The following TSN variants were observed in gnomAD, a reference collection of about 807,000 sequenced individuals.
TSN encodes translin.
TSN carries 5 observed loss-of-function variants against 29.4 expected under a neutral mutation model. That is an observed-to-expected ratio of 0.17 (90% CI 0.09 to 0.36). The LOEUF is 0.36. TSN is among the 10% of genes least tolerant of loss of function. The probability of loss-of-function intolerance (pLI) is 1.00; values close to 1 mark genes in which losing one functional copy is unlikely to be tolerated. For synonymous variants in TSN, 106 were observed against 102.2 expected, an observed-to-expected ratio of 1.04 and a Z score of -0.23; for missense variants, 159 against 272.8, an observed-to-expected ratio of 0.58 and a Z score of 2.94.
Position 121,761,441 on chromosome 2 carries a change from G to A in TSN, c.290G>A (p.Arg97His). ...GAGCACTGGAGGTTTGTGTTGCAGC[G>A]CTTGGTCTTCTTGGCAGCATTTGTT... is the stretch of plus-strand genomic sequence containing the variant. ...FHEHWRFVLQ[R>H]LVFLAAFVVY... Residue 97 changes from arginine to histidine, a missense_variant, in exon 4 of 6, where the codon CGC (arginine) becomes CAC (histidine). Arg to His is a conservative substitution (Grantham distance 29). Around this residue, in one of 3 missense-constraint regions of TSN, gnomAD observed 85 missense variants for 178.1 expected, o/e 0.48. Coordinates refer to ENST00000389682, the MANE Select transcript of TSN (RefSeq NM_004622.3). 1.2e-6 allele frequency: 2 copies of A among 1,614,060 alleles called. No homozygotes were observed. Among genetic ancestry groups the A allele is most frequent in the Non-Finnish European group, 1.7e-6 (2 of 1,180,002 alleles).
intron 2 of TSN, among the ~76,000 whole-genome samples, chr2:121,758,461 ACAAC>A (rs2074778708): frequency 6.6e-6 from 1 of 152,196 alleles, no homozygotes. Context: ...GTTATTTATG[ACAAC>A]CAAACCAATT....
intron 2 of TSN, 121 bp downstream of exon 2, chr2:121,757,454 G>T: frequency 1.3e-6 from 2 of 1,544,366 alleles, no homozygotes. Flanking sequence ...AATTGAAGAA[G>T]TAGGTGATTT....
rs1287370528 is a variant in TSN, at chr2:121,757,287, T to G, written c.114T>G (p.Ile38Met). 2.5e-6 allele frequency: 4 copies of G among 1,614,182 alleles called. No individual in the cohort carries two copies. The highest frequency in any genetic ancestry group is 3.4e-6 in the Non-Finnish European group (4 of 1,180,016). ...VQSLEQTARE[I>M]LTLLQGVHQG... ...GTTTAGAACAAACAGCTCGAGAGAT[T>G]TTAACTCTACTGCAAGGGGTCCATC... is the stretch of plus-strand genomic sequence containing the variant. Residue 38 changes from isoleucine to methionine, a missense_variant, in exon 2 of 6, where the codon ATT (isoleucine) becomes ATG (methionine). Transcript: ENST00000389682.
At chr2:121,756,579 T>A (rs2074751533) in intron 1 of TSN, 1 of 1,256,912 alleles carries the variant, frequency 8.0e-7, no homozygotes, top group Admixed American at 2.4e-5. Context: ...ACACAGTGCC[T>A]CGCACATAAG....
At chr2:121,756,707 C>G in intron 1 of TSN, 1 of 1,012,708 alleles carries the variant, frequency 9.9e-7, no homozygotes, top group Non-Finnish European at 1.3e-6. Flanking sequence ...GAGTTTGAGA[C>G]CAGCCTGGCC....
intron 1 of TSN, chr2:121,756,507 C>T (rs757933133): frequency 9.1e-5 from 42 of 460,592 alleles, no homozygotes; most frequent in Non-Finnish European, 1.5e-4. Context: ...AAAAAATCTT[C>T]TCCCTCATTG....
chr2:121,756,542 G>A, intron 1 of TSN: 1 of 845,846 alleles, frequency 1.2e-6, no homozygotes, highest in Non-Finnish European at 1.7e-6. Flanking sequence ...AGAGGGAAGG[G>A]ATTGTGTGCT....
chr2:121,759,064 A>T (rs1486299228), intron 3 of TSN, among the ~76,000 whole-genome samples: 3 of 152,220 alleles, frequency 2.0e-5, no homozygotes, highest in Non-Finnish European at 4.4e-5. Flanking sequence ...TGAGGGTCAA[A>T]AGTGAGAATA....
chr2:121,758,139 G>A (rs2074775121), intron 2 of TSN, among the ~76,000 whole-genome samples: 1 of 152,134 alleles, frequency 6.6e-6, no homozygotes, highest in Non-Finnish European at 1.5e-5. Flanking sequence ...TCAAATTAAT[G>A]TGTTTATAAT....
intron 1 of TSN, among the ~76,000 whole-genome samples, chr2:121,756,875 C>T (rs1428879983): frequency 2.0e-5 from 3 of 150,640 alleles, no homozygotes; most frequent in Non-Finnish European, 4.4e-5. Context: ...CGCCACTGCA[C>T]TCCAGCCTGG....
At chr2:121,759,624 T>C (rs1413925403) in intron 3 of TSN, among the ~76,000 whole-genome samples, 1 of 151,918 alleles carries the variant, frequency 6.6e-6, no homozygotes, top group Non-Finnish European at 1.5e-5. Flanking sequence ...AAAAACAACT[T>C]GTGAAACATG....
intron 3 of TSN, among the ~76,000 whole-genome samples, chr2:121,759,799 C>T (rs1029376369): frequency 1.3e-5 from 2 of 152,072 alleles, no homozygotes; most frequent in African/African-American, 4.8e-5. Flanking sequence ...GGTAGTATAA[C>T]CTTATGAGAA....
chr2:121,755,859 C>A lies in TSN; in HGVS notation c.66+14C>A. 6.2e-7 allele frequency: 1 copy of A among 1,614,014 alleles called. No individual in the cohort carries two copies. Among genetic ancestry groups the A allele is most frequent in the Non-Finnish European group, 8.5e-7 (1 of 1,180,006 alleles). On this transcript the variant is annotated intron_variant, in intron 1 of 5. Transcript: ENST00000389682. The stretch of plus-strand genomic sequence containing the variant: ...GACATCCGAGAGGCGAGCCCCCTCC[C>A]TTCCCCATTCCCTTTGCCTTTCCAT...
At chr2:121,762,630 CTTG>C (rs1363194706) in intron 4 of TSN, among the ~76,000 whole-genome samples, 1 of 152,176 alleles carries the variant, frequency 6.6e-6, no homozygotes, top group African/African-American at 2.4e-5. Flanking sequence ...AGATTTACCA[CTTG>C]TTAACATTTT....
chr2:121,760,835 CTT>C (rs1231153615), intron 3 of TSN, among the ~76,000 whole-genome samples: 4 of 147,344 alleles, frequency 2.7e-5, no homozygotes, highest in South Asian at 4.3e-4. Context: ...CACAATTGCT[CTT>C]GTCATCTGTA....
At position 121,757,593 on chromosome 2, in the gene TSN, G is replaced by C; in HGVS notation, c.160+260G>C. ...CCCATTTCCTGTTTAGAAAAAAAAA[G>C]TGCAGCTCTCTGCCAGCACAGTATT... On this transcript the variant is annotated intron_variant, in intron 2 of 5. Coordinates refer to ENST00000389682, the MANE Select transcript of TSN (RefSeq NM_004622.3). 9.2e-6 allele frequency: 5 copies of C among 541,278 alleles called. No homozygotes were observed. In the South Asian group the frequency reaches 1.1e-4, roughly 12 times the overall value. The allele number at this position is 541,278 out of a possible 1,614,324, so 33.5% of individuals were successfully genotyped here.
intron 5 of TSN, 112 bp downstream of exon 5, chr2:121,763,196 G>T (rs1286882361): frequency 1.4e-6 from 1 of 717,554 alleles, no homozygotes; most frequent in Non-Finnish European, 2.1e-6. Context: ...AGGCTGGAGT[G>T]CAGTGGCGCA....
chr2:121,765,626 A>G lies in TSN; in HGVS notation c.*259A>G. The G allele has an allele frequency of 2.0e-6, 1 of 493,526 alleles. No individual in the cohort carries two copies. The highest frequency in any genetic ancestry group is 3.6e-5 in the East Asian group (1 of 28,046). 30.6% of individuals were successfully genotyped at this position (493,526 alleles called of 1,614,324 possible). A position where few individuals can be genotyped will look rare whatever the true frequency, so the allele number is the denominator to read the frequency against. On this transcript the variant is annotated 3_prime_UTR_variant, in exon 6 of 6. Coordinates refer to ENST00000389682, the MANE Select transcript of TSN (RefSeq NM_004622.3). ...TATTTCAGTTCCGTCAGAAAGTGTA[A>G]ATGTTAGTTTCTTGGTAAAGTCCTT...
chr2:121,763,343 C>G (rs2074857713), intron 5 of TSN, among the ~76,000 whole-genome samples: 1 of 152,034 alleles, frequency 6.6e-6, no homozygotes, highest in Admixed American at 6.6e-5. Context: ...GACGGGGTTT[C>G]ACCGTGTTAG....
Sources: allele counts gnomAD v4.1 joint callset (sites outside exome capture counted in the v4.1 genomes callset), GRCh38; gene constraint gnomAD v4.1.1; regional missense constraint gnomAD v4.1.1; transcripts MANE v1.5; gene names NCBI Gene and HGNC (gene_info 2026-07-23, HGNC 2026-07-21).